Variants in WFDC1 observed in about 807,000 individuals in gnomAD.
WFDC1 encodes the protein WAP four-disulfide core domain 1, also known as WAP four-disulfide core domain protein 1.
Under a neutral mutation model 32.9 loss-of-function variants are expected in WFDC1, and 39 were observed. The observed-to-expected ratio is 1.19, with a 90% CI of 0.92 to 1.55. The LOEUF is 1.55. Ranked by LOEUF, WFDC1 falls within the 40% of genes most tolerant of loss-of-function variation. The pLI, the probability that WFDC1 is intolerant of heterozygous loss-of-function variation, is 0.00. For synonymous variants in WFDC1, 184 were observed against 137.4 expected, an observed-to-expected ratio of 1.34 and a Z score of -2.37; for missense variants, 386 against 309.5, an observed-to-expected ratio of 1.25 and a Z score of -1.85.
intron 1 of WFDC1, among the ~76,000 whole-genome samples, chr16:84,309,587 G>A (rs1907486414): frequency 6.6e-6 from 1 of 152,066 alleles, no homozygotes. Flanking sequence ...ACCACAAACT[G>A]GGGTGGGAGG....
intron 1 of WFDC1, among the ~76,000 whole-genome samples, chr16:84,302,566 G>T (rs1218426187): frequency 6.6e-6 from 1 of 151,928 alleles, no homozygotes; most frequent in Non-Finnish European, 1.5e-5. Context: ...CTCCTCCGAG[G>T]CCTCTCCCTG....
chr16:84,307,177 G>C (rs756306576), intron 1 of WFDC1, among the ~76,000 whole-genome samples: 2 of 152,228 alleles, frequency 1.3e-5, no homozygotes, highest in Non-Finnish European at 2.9e-5. Context: ...ATTCCAGTCC[G>C]ACCTCTAGGC....
chr16:84,310,536 G>C (rs550831568), intron 1 of WFDC1, among the ~76,000 whole-genome samples: 1 of 152,278 alleles, frequency 6.6e-6, no homozygotes, highest in Non-Finnish European at 1.5e-5. Context: ...CACTGCAGAA[G>C]GGTGTACAAT....
At chr16:84,320,475 A>C (rs961411279) in intron 4 of WFDC1, among the ~76,000 whole-genome samples, 3 of 152,266 alleles carry the variant, frequency 2.0e-5, no homozygotes, top group Non-Finnish European at 2.9e-5. Flanking sequence ...TTGGACACAA[A>C]GGCAATAAAT....
chr16:84,297,992 G>A (rs1363497824), intron 1 of WFDC1, among the ~76,000 whole-genome samples: 1 of 152,164 alleles, frequency 6.6e-6, no homozygotes, highest in African/African-American at 2.4e-5. Context: ...AGGGCTATGG[G>A]CTCGTCAGAG....
rs1321550656 is a variant in WFDC1 at position 84,313,070 on chromosome 16, C to T, written c.254C>T (p.Ala85Val). 27 of 1,419,064 alleles carry T rather than the reference C, an allele frequency of 1.9e-5. No individual in the cohort carries two copies. Among genetic ancestry groups the T allele is most frequent in the Non-Finnish European group, 2.4e-5 (26 of 1,091,194 alleles). 87.9% of individuals were successfully genotyped at this position (1,419,064 alleles called of 1,614,324 possible). A position where few individuals can be genotyped will look rare whatever the true frequency, so the allele number is the denominator to read the frequency against. ...PGACQAARCQ[A>V]DSECPRHRRC... is the part of the protein sequence containing the mutation. ...GCCTGCCAGGCCGCGCGCTGTCAGG[C>T]GGACTCCGAGTGCCCGCGGCACCGG... The change falls in exon 2 of 7, where the codon GCG (alanine) becomes GTG (valine). Residue 85 changes from alanine to valine, a missense_variant. Transcript: ENST00000219454.
At position 84,313,050 on chromosome 16, in the gene WFDC1, C is replaced by T; in HGVS notation, c.234C>T (p.Cys78=). The change falls in exon 2 of 7, where the codon TGC becomes TGT. Residue 78 remains cysteine, a synonymous_variant. Transcript: ENST00000219454. ...PPPRTLPPGA[C]QAARCQADSE... is the part of the protein sequence containing the mutation. ...CGCGGACGCTGCCCCCCGGCGCCTG[C>T]CAGGCCGCGCGCTGTCAGGCGGACT... 2.2e-6 allele frequency: 3 copies of T among 1,383,342 alleles called. No individual in the cohort carries two copies. Among genetic ancestry groups the T allele is most frequent in the Admixed American group, 3.3e-5 (1 of 30,040 alleles). The allele number at this position is 1,383,342 out of a possible 1,614,324, so 85.7% of individuals were successfully genotyped here.
At chr16:84,306,960 T>A (rs1406339810) in intron 1 of WFDC1, among the ~76,000 whole-genome samples, 1 of 151,818 alleles carries the variant, frequency 6.6e-6, no homozygotes, top group Non-Finnish European at 1.5e-5. Flanking sequence ...GGTGATGAGG[T>A]GTGTGAAGCT....
At chr16:84,312,782 G>A (rs1045941053) in intron 1 of WFDC1, among the ~76,000 whole-genome samples, 179 bp from the exon 2 acceptor site, 5 of 152,138 alleles carry the variant, frequency 3.3e-5, no homozygotes, top group African/African-American at 1.2e-4. Flanking sequence ...AAAGATACAT[G>A]GTATCTTCTG....
At chr16:84,315,042 G>T (rs915781652) in intron 2 of WFDC1, among the ~76,000 whole-genome samples, 1 of 152,246 alleles carries the variant, frequency 6.6e-6, no homozygotes, top group Admixed American at 6.5e-5. Flanking sequence ...CACACAGCAG[G>T]CAGACCTGCA....
intron 1 of WFDC1, among the ~76,000 whole-genome samples, chr16:84,301,532 C>T (rs1210357051): frequency 1.3e-5 from 2 of 152,164 alleles, no homozygotes; most frequent in East Asian, 3.9e-4. Flanking sequence ...AAGATGCCTA[C>T]GTCTTGGGGG....
At position 84,302,774 on chromosome 16, in the gene WFDC1, C is replaced by T. The variant is rs543614096; in HGVS notation, c.144+7659C>T. Among the ~76,000 whole-genome samples the T allele has an allele frequency of 5.3e-5, 8 of 152,302 alleles. No homozygotes were observed. The South Asian group carries it at 1.5e-3, about 28-fold the overall frequency. On this transcript the variant is annotated intron_variant, in intron 1 of 6. Coordinates refer to ENST00000219454, the MANE Select transcript of WFDC1 (RefSeq NM_021197.4). The stretch of plus-strand genomic sequence containing the variant: ...GTGTCTCTGACTTGTCCTGAAACAG[C>T]CACGTGAAGTCAGGGCCAACGTCTT...
intron 1 of WFDC1, among the ~76,000 whole-genome samples, chr16:84,308,339 T>G (rs1056812773): frequency 6.6e-6 from 1 of 152,116 alleles, no homozygotes; most frequent in African/African-American, 2.4e-5. Context: ...GGTGACACCG[T>G]GTGCAATTTG....
At chr16:84,314,123 C>A (rs987252331) in intron 2 of WFDC1, among the ~76,000 whole-genome samples, 1 of 152,152 alleles carries the variant, frequency 6.6e-6, no homozygotes, top group Non-Finnish European at 1.5e-5. Context: ...CTCAGCACTG[C>A]GCGGGGCTGG....
At chr16:84,318,223 T>G (rs1332359903) in intron 2 of WFDC1, 49 bp from the exon 3 acceptor site, 1 of 1,599,386 alleles carries the variant, frequency 6.3e-7, no homozygotes, top group Non-Finnish European at 8.6e-7. Flanking sequence ...AGCCTGGGCG[T>G]TTCTCAGCTG....
chr16:84,308,599 G>A (rs572801662), intron 1 of WFDC1, among the ~76,000 whole-genome samples: 1 of 152,240 alleles, frequency 6.6e-6, no homozygotes, highest in Non-Finnish European at 1.5e-5. Context: ...AATGATGATC[G>A]GTGGCACTGT....
chr16:84,319,382 C>T, intron 3 of WFDC1, 49 bp from the exon 4 acceptor site: 10 of 1,593,178 alleles, frequency 6.3e-6, no homozygotes, highest in Non-Finnish European at 8.5e-6. Context: ...GCATGTGCAC[C>T]TGTCCTGGGA....
chr16:84,318,766 C>G, intron 3 of WFDC1: 1 of 224,984 alleles, frequency 4.4e-6, no homozygotes, highest in Admixed American at 4.9e-5. Context: ...GCCTGGAGGC[C>G]TAGGAGGTGC....
chr16:84,301,959 C>T (rs1017630913), intron 1 of WFDC1, among the ~76,000 whole-genome samples: 6 of 152,162 alleles, frequency 3.9e-5, no homozygotes, highest in African/African-American at 9.7e-5. Flanking sequence ...CAGCACTCAC[C>T]GCAGCCACAG....
Sources: allele counts gnomAD v4.1 joint callset (sites outside exome capture counted in the v4.1 genomes callset), GRCh38; gene constraint gnomAD v4.1.1; transcripts MANE v1.5; gene names NCBI Gene and HGNC (gene_info 2026-07-23, HGNC 2026-07-21).